LAMC3: variants seen among roughly 807,000 people sequenced by gnomAD.
LAMC3 encodes laminin subunit gamma-3.
LAMC3 carries 128 observed loss-of-function variants against 173.8 expected under a neutral mutation model. The ratio of observed to expected loss-of-function variants is 0.74; its 90% confidence interval spans 0.64 to 0.85. The LOEUF (loss-of-function observed/expected upper bound fraction) is 0.85, where lower values mean the gene tolerates loss of function less well. LAMC3 is among the 40% of genes least tolerant of loss of function. The probability of loss-of-function intolerance (pLI) is 0.00; values close to 1 mark genes in which losing one functional copy is unlikely to be tolerated. For missense variants in LAMC3, 2,022 were observed against 2,156.0 expected (o/e 0.94, Z 1.23); for synonymous variants, 897 against 909.1 (o/e 0.99, Z 0.24).
At chr9:131,084,039 A>AT (rs34293977) in intron 24 of LAMC3, among the ~76,000 whole-genome samples, 11,697 of 131,130 alleles carry the variant, frequency 0.089, 1,315 homozygotes, top group African/African-American at 0.26. Context: ...CACACCCGGC[A>AT]TTTTTTTTTT....
rs1014822051 is a variant in LAMC3, at chr9:131,062,407, A to G, written c.2347+1184A>G. 3.3e-5 allele frequency among the ~76,000 whole-genome samples: 5 copies of G among 152,214 alleles called. No homozygotes were observed. The South Asian group carries it at 1.0e-3, about 31-fold the overall frequency. ...ATTCAATGACTTTTGACATGTTACAATAGTAATTTTTATTATGGTAAAATA... is the reference window on the plus strand; with the variant it reads ...ATTCAATGACTTTTGACATGTTACAGTAGTAATTTTTATTATGGTAAAATA... On this transcript the variant is annotated intron_variant, in intron 13 of 27. Coordinates refer to ENST00000361069, the MANE Select transcript of LAMC3 (RefSeq NM_006059.4).
At position 131,038,959 on chromosome 9, in the gene LAMC3, C is replaced by T. The variant is rs766004926; in HGVS notation, c.1072C>T (p.His358Tyr). The T allele has an allele frequency of 6.2e-7, 1 of 1,613,378 alleles. No homozygotes were observed. Among genetic ancestry groups the T allele is most frequent in the Non-Finnish European group, 8.5e-7 (1 of 1,179,952 alleles). ...CGGGCGCTGTCACCACTGCCGTGAC[C>T]ACACAGCTGGGCCACACTGTGAGCG... The part of the protein sequence containing the change: ...HGGRCHHCRD[H>Y]TAGPHCERCQ... The change falls in exon 5 of 28, where the codon CAC (histidine) becomes TAC (tyrosine). Residue 358 changes from histidine to tyrosine, a missense_variant. By Grantham distance (83) the His-to-Tyr change is moderately conservative (BLOSUM62 2). Coordinates refer to ENST00000361069, the MANE Select transcript of LAMC3 (RefSeq NM_006059.4).
intron 12 of LAMC3, among the ~76,000 whole-genome samples, chr9:131,060,775 T>C (rs1268452463): frequency 6.6e-6 from 1 of 152,126 alleles, no homozygotes; most frequent in Non-Finnish European, 1.5e-5. Flanking sequence ...CTGTGGTTGT[T>C]CCCATTTTGC....
intron 3 of LAMC3, among the ~76,000 whole-genome samples, chr9:131,033,178 T>C (rs1424285246): frequency 6.6e-6 from 1 of 152,194 alleles, no homozygotes; most frequent in Admixed American, 6.5e-5. Flanking sequence ...CCAAGGCCTG[T>C]CTCGCACATG....
rs866834803 is a variant in LAMC3, at chr9:131,093,376, C to T, written c.*1589C>T. On this transcript the variant is annotated 3_prime_UTR_variant, in exon 28 of 28. Coordinates refer to ENST00000361069, the MANE Select transcript of LAMC3 (RefSeq NM_006059.4). The stretch of plus-strand genomic sequence containing the variant: ...CGAGACGAACTCACAGCCAAGTGTC[C>T]GAGGATGGTGAGGAGCAGGGAGGGG... 4.1e-5 allele frequency: 6 copies of T among 147,844 alleles called. No individual in the cohort carries two copies. Among genetic ancestry groups the T allele is most frequent in the African/African-American group, 1.3e-4 (5 of 39,322 alleles). The allele number at this position is 147,844 out of a possible 1,614,324, so 9.2% of individuals were successfully genotyped here.
chr9:131,078,282 GA>G (rs1830171370), intron 22 of LAMC3, among the ~76,000 whole-genome samples: 1 of 152,124 alleles, frequency 6.6e-6, no homozygotes, highest in Admixed American at 6.6e-5. Context: ...ACGAGATCAG[GA>G]GATCGAGACC....
chr9:131,042,582 T>G (rs4740397), intron 7 of LAMC3, among the ~76,000 whole-genome samples: 151,787 of 152,004 alleles, frequency 1, 75,786 homozygotes, highest in East Asian at 1. Flanking sequence ...ACATCACTAA[T>G]GGAGAACTAT....
rs1255672446 is a variant in LAMC3, at chr9:131,068,849, A to T, written c.2748-59A>T. The T allele has an allele frequency of 2.5e-5, 40 of 1,599,434 alleles. 1 individual carries two copies. The Admixed American group carries it at 4.0e-4, about 16-fold the overall frequency. On this transcript the variant is annotated intron_variant, in intron 15 of 27. Coordinates refer to ENST00000361069, the MANE Select transcript of LAMC3 (RefSeq NM_006059.4). ...GGCCCCAGCCAGCTGCAGCCGGCAG[A>T]GGCTGGGCCAGGAGTGGCCCTGAGC...
At position 131,047,165 on chromosome 9, in the gene LAMC3, C is replaced by CTTTTTTTTTT. The variant is rs398012456; in HGVS notation, c.1519+1513_1519+1522dup. On this transcript the variant is annotated intron_variant, in intron 8 of 27. Coordinates refer to ENST00000361069, the MANE Select transcript of LAMC3 (RefSeq NM_006059.4). ...AAAACTTTTTGGTCTCTGAATTCCT[C>CTTTTTTTTTT]TTTTTTTTTTTTTTTTTAAGACGGA... Among the ~76,000 whole-genome samples, 336 of 102,122 alleles carry CTTTTTTTTTT rather than the reference C, an allele frequency of 3.3e-3. 36 individuals carry two copies. Among genetic ancestry groups the CTTTTTTTTTT allele is most frequent in the South Asian group, 5.6e-3 (15 of 2,670 alleles). The allele number at this position is 102,122 out of a possible 152,430, so 67.0% of individuals were successfully genotyped here.
rs781719244 is a variant in LAMC3 at position 131,056,993 on chromosome 9, C to G, written c.2004C>G (p.Ser668=). The G allele has an allele frequency of 2.4e-5, 38 of 1,614,006 alleles. No individual in the cohort carries two copies. The highest frequency in any genetic ancestry group is 3.2e-5 in the Non-Finnish European group (38 of 1,180,038). The change falls in exon 12 of 28, where the codon TCC becomes TCG. Residue 668 remains serine (S), a synonymous_variant. Coordinates refer to ENST00000361069, the MANE Select transcript of LAMC3 (RefSeq NM_006059.4). The part of the protein sequence containing the change: ...SARPGLSPPA[S]WVEICSCPTG... The stretch of plus-strand genomic sequence containing the variant: ...GGCCAGGGCTTTCCCCGCCAGCCTC[C>G]TGGGTGGAGATTTGTTCATGTCCCA...
chr9:131,069,749 G>A lies in LAMC3; in HGVS notation c.2968G>A (p.Glu990Lys), dbSNP rs762908602. ...CACATGCGTGTGCAGGCCTGGCTTC[G>A]AGGGCTACAAATGTGACCGCTGCCA... ...NGTCVCRPGFEGYKCDRCHDN... is the reference protein window; with the variant it reads ...NGTCVCRPGFKGYKCDRCHDN... The change falls in exon 17 of 28, where the codon GAG becomes AAG. Residue 990 changes from glutamate to lysine, a missense_variant. Coordinates refer to ENST00000361069, the MANE Select transcript of LAMC3 (RefSeq NM_006059.4). 42 of 1,599,072 alleles carry A rather than the reference G, an allele frequency of 2.6e-5. No homozygotes were observed. The Middle Eastern group carries it at 5.3e-4, about 20-fold the overall frequency.
rs1457394670 is a variant in LAMC3 at position 131,055,961 on chromosome 9, G to A, written c.1940-968G>A. The stretch of plus-strand genomic sequence containing the variant: ...GCCTGTAATTCCAGCACTTTGGGAG[G>A]CTGAGACAGGAGTCCTTGAGGCCAG... On this transcript the variant is annotated intron_variant, in intron 11 of 27. Coordinates refer to ENST00000361069, the MANE Select transcript of LAMC3 (RefSeq NM_006059.4). Among the ~76,000 whole-genome samples, 3 of 152,046 alleles carry A rather than the reference G, an allele frequency of 2.0e-5. No individual in the cohort carries two copies. The East Asian group carries it at 5.8e-4, about 29-fold the overall frequency.
chr9:131,088,403 C>T (rs923070367), intron 27 of LAMC3, among the ~76,000 whole-genome samples: 2 of 151,924 alleles, frequency 1.3e-5, no homozygotes, highest in South Asian at 2.1e-4. Flanking sequence ...AATAGCGGCT[C>T]GTAGGAAGGA....
intron 7 of LAMC3, among the ~76,000 whole-genome samples, chr9:131,043,632 T>C (rs1265489640): frequency 1.3e-5 from 2 of 152,126 alleles, no homozygotes; most frequent in African/African-American, 4.8e-5. Flanking sequence ...CTGATGTAAA[T>C]AGATGATTGA....
chr9:131,046,529 T>TTA (rs1351464155), intron 8 of LAMC3, among the ~76,000 whole-genome samples: 1 of 124,560 alleles, frequency 8.0e-6, no homozygotes, highest in Non-Finnish European at 1.7e-5. Context: ...TTTTTTTTTT[T>TTA]TTTTTTTTTT....
chr9:131,067,944 G>A, intron 14 of LAMC3, 134 bp from the exon 15 acceptor site: 3 of 961,996 alleles, frequency 3.1e-6, no homozygotes, highest in South Asian at 2.7e-5. Context: ...TTCCAGCAGT[G>A]GCGTCTGAAT....
Position 131,026,644 on chromosome 9 carries a change from C to A in LAMC3, c.678+55C>A. 1 of 1,493,506 alleles carries A rather than the reference C, an allele frequency of 6.7e-7. No individual in the cohort carries two copies. Among genetic ancestry groups the A allele is most frequent in the South Asian group, 1.3e-5 (1 of 76,354 alleles). The allele number at this position is 1,493,506 out of a possible 1,614,324, so 92.5% of individuals were successfully genotyped here. A position where few individuals can be genotyped will look rare whatever the true frequency, so the allele number is the denominator to read the frequency against. ...GGACGGGGTTGGGACTGGGTCACGG[C>A]AGTAGGAGGGTCTGATGTGCCAGGA... On this transcript the variant is annotated intron_variant, in intron 2 of 27. Coordinates refer to ENST00000361069, the MANE Select transcript of LAMC3 (RefSeq NM_006059.4). This position sits in a 1 kb window ranked among gnomAD's most constrained non-coding sequence, Gnocchi z 4.8.
intron 8 of LAMC3, among the ~76,000 whole-genome samples, chr9:131,046,682 G>T (rs1834169162): frequency 6.6e-6 from 1 of 151,562 alleles, no homozygotes; most frequent in African/African-American, 2.4e-5. Flanking sequence ...CCGCTGTGGT[G>T]GCCTATACCG....
intron 4 of LAMC3, among the ~76,000 whole-genome samples, 168 bp from the exon 5 acceptor site, chr9:131,038,696 T>C (rs991529252): frequency 6.6e-6 from 1 of 152,172 alleles, no homozygotes; most frequent in Non-Finnish European, 1.5e-5. Context: ...AATCAATTGA[T>C]CAATGTCTAG....
Sources: allele counts gnomAD v4.1 joint callset (sites outside exome capture counted in the v4.1 genomes callset), GRCh38; gene constraint gnomAD v4.1.1; non-coding constraint Gnocchi (gnomAD v3.1); transcripts MANE v1.5; gene names NCBI Gene and HGNC (gene_info 2026-07-23, HGNC 2026-07-21).